Variants in WWC1 observed in about 807,000 individuals in gnomAD.
WWC1 encodes the protein protein KIBRA.
Under a neutral mutation model 138.4 loss-of-function variants are expected in WWC1, and 55 were observed. The ratio of observed to expected loss-of-function variants is 0.40; its 90% CI spans 0.32 to 0.50. The LOEUF is 0.50. Among genes scored for constraint, WWC1 ranks in the 20% least tolerant of loss-of-function variants. The pLI, the probability that WWC1 is intolerant of heterozygous loss-of-function variation, is 0.72. For synonymous variants in WWC1, 524 were observed against 564.9 expected, an observed-to-expected ratio of 0.93 and a Z score of 1.03; for missense variants, 1,226 against 1,420.4, an observed-to-expected ratio of 0.86 and a Z score of 2.20.
chr5:168,327,092 GCA>G (rs1772629236), intron 1 of WWC1, among the ~76,000 whole-genome samples: 1 of 152,258 alleles, frequency 6.6e-6, no homozygotes, highest in South Asian at 2.1e-4. Context: ...TCATTTTCCA[GCA>G]ATCTCTTGTT....
intron 1 of WWC1, among the ~76,000 whole-genome samples, chr5:168,332,220 C>T (rs1773090439): frequency 6.6e-6 from 1 of 151,860 alleles, no homozygotes; most frequent in African/African-American, 2.4e-5. Context: ...GAATGAGAAA[C>T]ACACAGGTGC....
intron 17 of WWC1, among the ~76,000 whole-genome samples, chr5:168,444,984 T>C (rs550323022): frequency 1.3e-5 from 2 of 152,226 alleles, no homozygotes; most frequent in Admixed American, 1.3e-4. Context: ...GCAGAAATAT[T>C]AGACAGAAAT....
intron 1 of WWC1, among the ~76,000 whole-genome samples, chr5:168,360,678 T>C (rs1440857025): frequency 6.6e-6 from 1 of 152,232 alleles, no homozygotes; most frequent in Non-Finnish European, 1.5e-5. Context: ...AAGGGCATCG[T>C]CAGGCTTCAA....
Position 168,467,921 on chromosome 5 carries a change from C to T in WWC1, c.3232C>T (p.Arg1078Ter), listed in dbSNP as rs1453501473. Reference protein sequence around the residue: ...RAAAKDVHRLRGQSCKEPPEV... With the variant: ...RAAAKDVHRL ...AGCTGCCAAGGATGTGCACAGGCTC[C>T]GAGGCCAGAGCTGTAAGGAACCCCC... The change falls in exon 22 of 23, where the codon CGA (arginine) becomes TGA (stop). Residue 1078 changes from arginine to a stop codon, truncating the protein, a stop_gained. Coordinates refer to ENST00000265293, the MANE Select transcript of WWC1 (RefSeq NM_015238.3). LOFTEE classifies it high-confidence loss of function. The T allele has an allele frequency of 8.1e-6, 13 of 1,614,206 alleles. No homozygotes were observed. Among genetic ancestry groups the T allele is most frequent in the Admixed American group, 1.7e-5 (1 of 60,012 alleles).
At chr5:168,370,909 C>T (rs1407513674) in intron 1 of WWC1, among the ~76,000 whole-genome samples, 1 of 152,184 alleles carries the variant, frequency 6.6e-6, no homozygotes, top group Non-Finnish European at 1.5e-5. Context: ...ATTGGCCAAA[C>T]TCACAGGGAT....
intron 6 of WWC1, among the ~76,000 whole-genome samples, chr5:168,407,711 A>C (rs996465162): frequency 1.3e-5 from 2 of 152,216 alleles, no homozygotes; most frequent in Non-Finnish European, 2.9e-5. Flanking sequence ...GGGGATAATC[A>C]TAGGTCATTC....
intron 1 of WWC1, among the ~76,000 whole-genome samples, chr5:168,339,923 CTT>C (rs1226591177): frequency 2.1e-4 from 24 of 116,632 alleles, no homozygotes; most frequent in South Asian, 6.0e-4. Context: ...CTCTCTCTCT[CTT>C]TCTCTCTTTC....
intron 1 of WWC1, among the ~76,000 whole-genome samples, chr5:168,324,891 T>A (rs1183111082): frequency 6.6e-6 from 1 of 152,214 alleles, no homozygotes; most frequent in African/African-American, 2.4e-5. Flanking sequence ...CAGCATGGCA[T>A]GCAGAGAGCT....
chr5:168,383,736 C>G (rs981502246), intron 2 of WWC1, among the ~76,000 whole-genome samples: 2 of 152,222 alleles, frequency 1.3e-5, no homozygotes, highest in African/African-American at 4.8e-5. Flanking sequence ...CAATACCTAT[C>G]TGGAGGCTGG....
rs1057067951 is a variant in WWC1 at position 168,292,012 on chromosome 5, C to T, written c.-141C>T. 2 of 1,021,676 alleles carry T rather than the reference C, an allele frequency of 2.0e-6. No individual in the cohort carries two copies. Among genetic ancestry groups the T allele is most frequent in the South Asian group, 2.4e-5 (1 of 42,340 alleles). The allele number at this position is 1,021,676 out of a possible 1,614,324, so 63.3% of individuals were successfully genotyped here. A position where few individuals can be genotyped will look rare whatever the true frequency, so the allele number is the denominator to read the frequency against. On this transcript the variant is annotated 5_prime_UTR_variant, in exon 1 of 23. Transcript: ENST00000265293. This position sits in a 1 kb window ranked among gnomAD's most constrained non-coding sequence, Gnocchi z 4.4. ...GCGGCGCCACCCCGGCCGGCCCCTACTAGGGCCCCCCATCTGCGGGCGCCA... is the reference window on the plus strand; with the variant it reads ...GCGGCGCCACCCCGGCCGGCCCCTATTAGGGCCCCCCATCTGCGGGCGCCA...
chr5:168,343,679 G>C (rs535383833), intron 1 of WWC1, among the ~76,000 whole-genome samples: 41 of 152,238 alleles, frequency 2.7e-4, no homozygotes, highest in African/African-American at 9.6e-4. Flanking sequence ...AAAATTAGCT[G>C]GGCGTGGTGG....
chr5:168,399,839 C>T (rs1779182691), intron 5 of WWC1, among the ~76,000 whole-genome samples: 1 of 152,156 alleles, frequency 6.6e-6, no homozygotes, highest in Admixed American at 6.5e-5. Flanking sequence ...TCCACTCAGC[C>T]GAGTGTTACT....
chr5:168,293,139 G>C (rs571978827), intron 1 of WWC1, among the ~76,000 whole-genome samples: 1 of 152,328 alleles, frequency 6.6e-6, no homozygotes, highest in South Asian at 2.1e-4. Flanking sequence ...AGATAGCTCG[G>C]TGTGGCTCTT....
chr5:168,454,844 TG>T (rs373188097), intron 18 of WWC1, among the ~76,000 whole-genome samples: 17 of 152,358 alleles, frequency 1.1e-4, no homozygotes, highest in African/African-American at 4.1e-4. Flanking sequence ...TAGGTGTTTT[TG>T]TTTGTTTATG....
intron 1 of WWC1, among the ~76,000 whole-genome samples, chr5:168,297,163 A>C (rs1384664608): frequency 2.6e-5 from 4 of 152,218 alleles, no homozygotes; most frequent in Non-Finnish European, 5.9e-5. Context: ...GTAGGGCAGC[A>C]AGCCTGAAGT....
At chr5:168,327,741 T>C (rs1250268542) in intron 1 of WWC1, among the ~76,000 whole-genome samples, 1 of 152,180 alleles carries the variant, frequency 6.6e-6, no homozygotes, top group Non-Finnish European at 1.5e-5. Context: ...GATATTCCCT[T>C]AACAAAAGCC....
chr5:168,454,297 G>C (rs566887262), intron 18 of WWC1, among the ~76,000 whole-genome samples, 197 bp downstream of exon 18: 2 of 152,198 alleles, frequency 1.3e-5, no homozygotes, highest in African/African-American at 2.4e-5. Context: ...CTTTTCTTCT[G>C]CCCTCTGCAT....
chr5:168,402,134 C>T (rs1779352180), intron 5 of WWC1, among the ~76,000 whole-genome samples: 1 of 152,150 alleles, frequency 6.6e-6, no homozygotes, highest in African/African-American at 2.4e-5. Flanking sequence ...ATGCTGAAAC[C>T]CCAAAGACAA....
At position 168,467,800 on chromosome 5, in the gene WWC1, G is replaced by A. The variant is rs753343494; in HGVS notation, c.3151-40G>A. The stretch of plus-strand genomic sequence containing the variant: ...GAGTTCTCCTTGCCCCTTTCTGGAG[G>A]CCCCCTCCACTGACTCAGGGCCTTG... On this transcript the variant is annotated intron_variant, in intron 21 of 22. Transcript: ENST00000265293. The A allele has an allele frequency of 1.6e-5, 25 of 1,612,830 alleles. No individual in the cohort carries two copies. The South Asian group carries it at 2.2e-4, about 14-fold the overall frequency.
Sources: gnomAD v4.1 joint callset for allele counts (sites outside exome capture counted in the v4.1 genomes callset) on GRCh38, gnomAD v4.1.1 for gene constraint, Gnocchi (gnomAD v3.1) non-coding constraint, MANE v1.5 for transcripts, NCBI Gene and HGNC (gene_info 2026-07-23, HGNC 2026-07-21) for gene names.